CXXC4: variants seen among roughly 807,000 people sequenced by gnomAD.
CXXC4 encodes the protein CXXC-type zinc finger protein 4.
In CXXC4, 5 loss-of-function variants were observed where a neutral mutation model predicts 20.5. That is an observed-to-expected ratio of 0.24 (90% CI 0.13 to 0.51). The LOEUF (loss-of-function observed/expected upper bound fraction) is 0.51. Ranked by LOEUF, CXXC4 falls within the 20% of genes least tolerant of loss-of-function variation. The pLI is 0.97. For missense variants in CXXC4, 419 were observed against 496.4 expected (o/e 0.84, Z 1.48); for synonymous variants, 250 against 216.4 (o/e 1.16, Z -1.36).
chr4:104,478,895 TTTTA>T (rs1174633524), intron 2 of CXXC4, among the ~76,000 whole-genome samples: 23 of 152,072 alleles, frequency 1.5e-4, no homozygotes, highest in African/African-American at 2.2e-4. Context: ...ATTGAAATTA[TTTTA>T]TTTATATAGT....
chr4:104,475,553 G>A (rs1736381276), intron 2 of CXXC4, among the ~76,000 whole-genome samples: 2 of 152,096 alleles, frequency 1.3e-5, no homozygotes, highest in Non-Finnish European at 1.5e-5. Context: ...TTAAACTACA[G>A]GTTTCTAACT....
intron 2 of CXXC4, among the ~76,000 whole-genome samples, chr4:104,485,935 C>T (rs1736681497): frequency 6.6e-6 from 1 of 152,030 alleles, no homozygotes; most frequent in African/African-American, 2.4e-5. Context: ...TATTTAAGAA[C>T]TTGAAAAGCC....
intron 2 of CXXC4, among the ~76,000 whole-genome samples, chr4:104,478,218 C>A (rs1736464402): frequency 6.6e-6 from 1 of 152,182 alleles, no homozygotes; most frequent in African/African-American, 2.4e-5. Flanking sequence ...TACACTGCAA[C>A]CACCACAGTT....
At chr4:104,487,241 A>G (rs2110277503) in intron 2 of CXXC4, among the ~76,000 whole-genome samples, 1 of 152,292 alleles carries the variant, frequency 6.6e-6, no homozygotes, top group South Asian at 2.1e-4. Flanking sequence ...CTTACTGCAA[A>G]GAGAGCCAAG....
In CXXC4 at chr4:104,491,211, G is replaced by C; in HGVS notation, c.592C>G (p.Leu198Val). 1 of 1,613,600 alleles carries C rather than the reference G, an allele frequency of 6.2e-7. No individual in the cohort carries two copies. The highest frequency in any genetic ancestry group is 8.5e-7 in the Non-Finnish European group (1 of 1,179,966). ...PSLQMANTNF[L>V]STLSPEHCRP... ...CAGTGTTCAGGGGATAAGGTGGAGA[G>C]GAAATTAGTATTTGCCATTTGCAAC... Residue 198 changes from leucine (L) to valine (V), a missense_variant, in exon 2 of 3, where the codon CTC (leucine) becomes GTC (valine). This residue lies in a region of CXXC4 where 388 missense variants were observed against 416.0 expected (regional missense o/e 0.93). Coordinates refer to ENST00000394767, the MANE Select transcript of CXXC4 (RefSeq NM_025212.4).
In CXXC4 at chr4:104,481,775, T is replaced by G. The variant is rs1736564243; in HGVS notation, c.1059+8969A>C. On this transcript the variant is annotated intron_variant, in intron 2 of 2. Transcript: ENST00000394767. ...AGTTCCACCTAAACATCTGTTAAAT[T>G]GAATTGAATTTATCAAGGGTTTACT... 4.6e-5 allele frequency among the ~76,000 whole-genome samples: 7 copies of G among 152,270 alleles called. 1 individual carries two copies. In the South Asian group the frequency reaches 1.5e-3, roughly 32 times the overall value.
intron 2 of CXXC4, among the ~76,000 whole-genome samples, chr4:104,484,509 C>T (rs1254151402): frequency 2.0e-5 from 3 of 151,890 alleles, no homozygotes; most frequent in African/African-American, 7.2e-5. Context: ...AAAGTAATTG[C>T]TTGCTTTGCC....
intron 2 of CXXC4, 74 bp downstream of exon 2, chr4:104,490,670 A>T (rs1479648595): frequency 7.6e-7 from 1 of 1,320,936 alleles, no homozygotes; most frequent in African/African-American, 1.5e-5. Context: ...GAAGCCAGAC[A>T]AGAATCCCTG....
intron 2 of CXXC4, among the ~76,000 whole-genome samples, chr4:104,486,320 A>G (rs1736694035): frequency 6.6e-6 from 1 of 152,134 alleles, no homozygotes; most frequent in Non-Finnish European, 1.5e-5. Flanking sequence ...ACTCCCTTGT[A>G]TTAAATCCAG....
chr4:104,490,783 T>C lies in CXXC4; in HGVS notation c.1020A>G (p.Lys340=). 4 of 1,614,140 alleles carry C rather than the reference T, an allele frequency of 2.5e-6. No homozygotes were observed. The highest frequency in any genetic ancestry group is 3.4e-6 in the Non-Finnish European group (4 of 1,180,000). Residue 340 remains lysine, a synonymous_variant, in exon 2 of 3, where the codon AAA becomes AAG. Coordinates refer to ENST00000394767, the MANE Select transcript of CXXC4 (RefSeq NM_025212.4). ...CAGGTTTTTTCTTTAGCTCTTCACA[T>C]TTTCTAAATTTGCAGATCTGGTGTC... ...KTGHQICKFR[K]CEELKKKPGT...
Position 104,491,290 on chromosome 4 carries a change from G to A in CXXC4, c.513C>T (p.His171=). Residue 171 remains histidine, a synonymous_variant, in exon 2 of 3, where the codon CAC becomes CAT. Transcript: ENST00000394767. ...CCAGCCTCTGGGAGTCGTTTCGGTG[G>A]TGCATGCTGGTCCTGCTGCCGCCGC... ...GGGGGSRTSM[H]HRNDSQRLGK... The A allele has an allele frequency of 9.3e-6, 15 of 1,610,860 alleles. No homozygotes were observed. The highest frequency in any genetic ancestry group is 1.1e-5 in the Non-Finnish European group (13 of 1,179,396).
intron 2 of CXXC4, among the ~76,000 whole-genome samples, chr4:104,476,637 A>T (rs998962881): frequency 6.6e-6 from 1 of 150,424 alleles, no homozygotes; most frequent in Non-Finnish European, 1.5e-5. Context: ...CATGATTATG[A>T]TACTAGAAAT....
At position 104,491,773 on chromosome 4, in the gene CXXC4, C is replaced by T; in HGVS notation, c.30G>A (p.Gly10=). The T allele has an allele frequency of 1.3e-6, 2 of 1,528,298 alleles. No homozygotes were observed. Among genetic ancestry groups the T allele is most frequent in the East Asian group, 2.6e-5 (1 of 38,516 alleles). 94.7% of individuals were successfully genotyped at this position (1,528,298 alleles called of 1,614,324 possible). ...GCAAGCCCGGGGCCTCCGGGCTCGG[C>T]CCGGGCTCCACGCAGACATTGGTGT... MNTNVCVEP[G]PSPEAPGLPK... The change falls in exon 2 of 3, where the codon GGG becomes GGA. Residue 10 remains glycine, a synonymous_variant. Coordinates refer to ENST00000394767, the MANE Select transcript of CXXC4 (RefSeq NM_025212.4).
Position 104,469,122 on chromosome 4 carries a change from G to A in CXXC4, c.*3200C>T, listed in dbSNP as rs577317703. On this transcript the variant is annotated 3_prime_UTR_variant, in exon 3 of 3. Transcript: ENST00000394767. ...AAGACTTCCTATTTTCTTTCCCAAG[G>A]ATGGATACATTTCTACTTTGAATCT... is the stretch of plus-strand genomic sequence containing the variant. 2.8e-4 allele frequency: 43 copies of A among 152,066 alleles called. No individual in the cohort carries two copies. The highest frequency in any genetic ancestry group is 4.4e-4 in the Non-Finnish European group (30 of 67,952). 9.4% of individuals were successfully genotyped at this position (152,066 alleles called of 1,614,324 possible).
intron 1 of CXXC4, 30 bp from the exon 2 acceptor site, chr4:104,492,089 T>A: frequency 3.7e-6 from 1 of 273,530 alleles, no homozygotes; most frequent in Non-Finnish European, 6.8e-6. Flanking sequence ...TCCAACGAGC[T>A]GCACGAGGAA....
At chr4:104,477,671 CA>C (rs1736449179) in intron 2 of CXXC4, among the ~76,000 whole-genome samples, 1 of 151,848 alleles carries the variant, frequency 6.6e-6, no homozygotes, top group South Asian at 2.1e-4. Flanking sequence ...TAATGATTAT[CA>C]CACAGTCCAA....
chr4:104,478,359 T>C (rs1228608948), intron 2 of CXXC4, among the ~76,000 whole-genome samples: 2 of 152,168 alleles, frequency 1.3e-5, no homozygotes, highest in Admixed American at 1.3e-4. Flanking sequence ...CAAGTCCATA[T>C]GGTGATAAAG....
Position 104,470,988 on chromosome 4 carries a change from T to C in CXXC4, c.*1334A>G, listed in dbSNP as rs956136496. The C allele has an allele frequency of 2.0e-5, 3 of 152,006 alleles. No homozygotes were observed. The highest frequency in any genetic ancestry group is 6.6e-5 in the Admixed American group (1 of 15,218). The allele number at this position is 152,006 out of a possible 1,614,324, so 9.4% of individuals were successfully genotyped here. A position where few individuals can be genotyped will look rare whatever the true frequency, so the allele number is the denominator to read the frequency against. On this transcript the variant is annotated 3_prime_UTR_variant, in exon 3 of 3. Transcript: ENST00000394767. ...GGGGGAGGGGTATGTCATGCATTTA[T>C]GAAATTCCAGAGACTGTAGCCCTGC... is the stretch of plus-strand genomic sequence containing the variant.
chr4:104,487,604 AT>A (rs1365356630), intron 2 of CXXC4, among the ~76,000 whole-genome samples: 1 of 152,146 alleles, frequency 6.6e-6, no homozygotes, highest in African/African-American at 2.4e-5. Context: ...GGAACTTAAT[AT>A]TTTTCATTTA....
Sources: gnomAD v4.1 joint callset for allele counts (sites outside exome capture counted in the v4.1 genomes callset) on GRCh38, gnomAD v4.1.1 for gene constraint, gnomAD v4.1.1 regional missense constraint, MANE v1.5 for transcripts, NCBI Gene and HGNC (gene_info 2026-07-23, HGNC 2026-07-21) for gene names.